Variants in RPSA2 observed in about 807,000 individuals in gnomAD.
The protein encoded by RPSA2 is small ribosomal subunit protein uS2B.
the RPSA2 span, among the ~76,000 whole-genome samples, chr19:23,805,568 AAC>A: frequency 3.2e-4 from 2 of 6,334 alleles, no homozygotes; most frequent in East Asian, 0.17. Flanking sequence ...GTAAGAGATG[AAC>A]ATGTGGTGCT....
the RPSA2 span, among the ~76,000 whole-genome samples, chr19:23,791,535 C>T: frequency 6.6e-6 from 1 of 152,066 alleles, no homozygotes; most frequent in Non-Finnish European, 1.5e-5. Context: ...ACGGATTTTT[C>T]CCTGAATTTT....
the RPSA2 span, among the ~76,000 whole-genome samples, chr19:23,870,007 G>C: frequency 6.6e-6 from 1 of 152,154 alleles, no homozygotes; most frequent in Non-Finnish European, 1.5e-5. Context: ...TTGCAAACAT[G>C]TAATATCTCT....
At chr19:23,768,491 A>G in the RPSA2 span, among the ~76,000 whole-genome samples, 2 of 149,030 alleles carry the variant, frequency 1.3e-5, no homozygotes, top group Non-Finnish European at 3.0e-5. Flanking sequence ...CTTTCTAGAA[A>G]TGTTCACATA....
chr19:23,859,644 AT>A, the RPSA2 span, among the ~76,000 whole-genome samples: 3 of 151,742 alleles, frequency 2.0e-5, no homozygotes, highest in Non-Finnish European at 4.4e-5. Flanking sequence ...AAAAAATTGA[AT>A]TGCTTAGTCA....
the RPSA2 span, among the ~76,000 whole-genome samples, chr19:23,859,874 G>T: frequency 6.6e-6 from 1 of 152,158 alleles, no homozygotes; most frequent in South Asian, 2.1e-4. Flanking sequence ...GTAAAACCCT[G>T]TTAGGGAAGA....
chr19:23,813,223 A>G, the RPSA2 span, among the ~76,000 whole-genome samples: 1 of 94,866 alleles, frequency 1.1e-5, no homozygotes, highest in Non-Finnish European at 2.0e-5. Context: ...ACAGATTGAG[A>G]CCCTGTCTCA....
chr19:23,813,102 G>T, the RPSA2 span, among the ~76,000 whole-genome samples: 1 of 151,900 alleles, frequency 6.6e-6, no homozygotes, highest in Admixed American at 6.6e-5. Flanking sequence ...AGGCAGGGTT[G>T]TGTGTACCTG....
At chr19:23,850,165 T>C in the RPSA2 span, among the ~76,000 whole-genome samples, 1 of 151,294 alleles carries the variant, frequency 6.6e-6, no homozygotes, top group Admixed American at 6.6e-5. Context: ...CTATTGTTAG[T>C]ATAGATTTCT....
chr19:23,852,086 C>G, the RPSA2 span, among the ~76,000 whole-genome samples: 3 of 152,054 alleles, frequency 2.0e-5, no homozygotes, highest in African/African-American at 4.8e-5. Flanking sequence ...TGGAATGAAG[C>G]GAAAACTAGA....
the RPSA2 span, among the ~76,000 whole-genome samples, chr19:23,858,247 G>T: frequency 1.7e-5 from 2 of 119,416 alleles, no homozygotes; most frequent in Non-Finnish European, 3.3e-5. Context: ...ACCTGAAAGG[G>T]TGAGAAGGTA....
At chr19:23,826,514 C>T in the RPSA2 span, among the ~76,000 whole-genome samples, 1 of 151,702 alleles carries the variant, frequency 6.6e-6, no homozygotes, top group Non-Finnish European at 1.5e-5. Context: ...TGTTTTATAG[C>T]GTTTTGCAAA....
At chr19:23,841,103 A>G in the RPSA2 span, among the ~76,000 whole-genome samples, 17 of 152,238 alleles carry the variant, frequency 1.1e-4, no homozygotes, top group African/African-American at 4.1e-4. Flanking sequence ...GTCATGTTGC[A>G]TCCTCCAATA....
At chr19:23,819,735 G>T in the RPSA2 span, among the ~76,000 whole-genome samples, 1 of 152,140 alleles carries the variant, frequency 6.6e-6, no homozygotes, top group Non-Finnish European at 1.5e-5. Context: ...GTTTGGTGGG[G>T]GTGTACCTCA....
chr19:23,758,921 T>C, the RPSA2 span: 2 of 803,004 alleles, frequency 2.5e-6, no homozygotes, highest in Admixed American at 5.0e-5. Context: ...GAAGCCGCCC[T>C]GTCTGCTCCA....
At chr19:23,805,892 G>A in the RPSA2 span, among the ~76,000 whole-genome samples, 3 of 151,896 alleles carry the variant, frequency 2.0e-5, no homozygotes, top group East Asian at 1.9e-4. Flanking sequence ...TCTACATCAC[G>A]ACTTCTTATA....
chr19:23,810,292 G>A, the RPSA2 span, among the ~76,000 whole-genome samples: 1 of 151,648 alleles, frequency 6.6e-6, no homozygotes, highest in Admixed American at 6.6e-5. Context: ...TACTCGGGAG[G>A]CTGAGGCAGG....
chr19:23,817,353 G>T, the RPSA2 span, among the ~76,000 whole-genome samples: 1 of 152,184 alleles, frequency 6.6e-6, no homozygotes, highest in Non-Finnish European at 1.5e-5. Context: ...TTGCACTCCA[G>T]CCTGGGCAAC....
the RPSA2 span, among the ~76,000 whole-genome samples, chr19:23,765,622 A>G: frequency 1.9e-3 from 290 of 152,300 alleles, 1 homozygote; most frequent in African/African-American, 6.5e-3. Flanking sequence ...AACAACACAT[A>G]CTAGAGCCTA....
the RPSA2 span, among the ~76,000 whole-genome samples, chr19:23,834,818 C>T: frequency 6.6e-6 from 1 of 151,768 alleles, no homozygotes; most frequent in African/African-American, 2.4e-5. Context: ...AATGGACTGA[C>T]ATCACTAGTA....
Sources: allele counts gnomAD v4.1 joint callset (sites outside exome capture counted in the v4.1 genomes callset), GRCh38; gene constraint gnomAD v4.1.1; transcripts MANE v1.5; gene names NCBI Gene and HGNC (gene_info 2026-07-23, HGNC 2026-07-21).